The following DYNC2I1 variants were observed in gnomAD, a reference collection of about 807,000 sequenced individuals.
DYNC2I1 encodes the protein dynein 2 intermediate chain 1.
Under a neutral mutation model 133.4 loss-of-function variants are expected in DYNC2I1, and 89 were observed. The ratio of observed to expected loss-of-function variants is 0.67; its 90% CI spans 0.56 to 0.80. DYNC2I1 has a LOEUF of 0.80. Among genes scored for constraint, DYNC2I1 ranks in the 30% least tolerant of loss-of-function variants. DYNC2I1 has a pLI of 0.00. For synonymous variants in DYNC2I1, 504 were observed against 484.3 expected (o/e 1.04, Z -0.54); for missense variants, 1,291 against 1,314.5 (o/e 0.98, Z 0.28).
intron 8 of DYNC2I1, among the ~76,000 whole-genome samples, chr7:158,899,890 CCTT>C (rs1846080741): frequency 1.3e-5 from 2 of 152,162 alleles, no homozygotes; most frequent in Admixed American, 1.3e-4. Flanking sequence ...GACTAATACA[CCTT>C]CTTTCTGAAG....
chr7:158,950,877 G>A (rs1852034539), downstream of DYNC2I1, among the ~76,000 whole-genome samples: 1 of 151,782 alleles, frequency 6.6e-6, no homozygotes, highest in African/African-American at 2.4e-5. Flanking sequence ...ACTGCACCGG[G>A]ACCAGCCTCT....
intron 14 of DYNC2I1, among the ~76,000 whole-genome samples, chr7:158,914,546 G>A (rs73512410): frequency 0.029 from 4,363 of 152,246 alleles, 196 homozygotes; most frequent in African/African-American, 0.098. Context: ...GAAGTACTAT[G>A]TGTGTATTTG....
In DYNC2I1 at chr7:158,941,968, C is replaced by A. The variant is rs1585253516; in HGVS notation, c.2822C>A (p.Ser941Tyr). ...DGSIRLHQLS[S>Y]AFPLLQWDSS... ...AGCATCAGGCTGCACCAGCTGAGCT[C>A]CGCGTTTCCGCTCCTGCAGTGGGAC... Residue 941 changes from serine (S) to tyrosine (Y), a missense_variant, in exon 24 of 25, where the codon TCC (serine) becomes TAC (tyrosine). By Grantham distance (144) the Ser-to-Tyr change is moderately radical. Coordinates refer to ENST00000407559, the MANE Select transcript of DYNC2I1 (RefSeq NM_018051.5). The A allele has an allele frequency of 1.9e-6, 3 of 1,612,190 alleles. No homozygotes were observed. Among genetic ancestry groups the A allele is most frequent in the Non-Finnish European group, 2.5e-6 (3 of 1,179,242 alleles).
Position 158,856,684 on chromosome 7 carries a change from C to G in DYNC2I1, c.-52C>G. ...CACAGGTGGCCTCTTCGGGGTGGAC[C>G]GCGCCTGGCCGGGGCCGAGGACACC... On this transcript the variant is annotated 5_prime_UTR_variant, in exon 1 of 25. Transcript: ENST00000407559. The G allele has an allele frequency of 8.1e-7, 1 of 1,231,828 alleles. No homozygotes were observed. The highest frequency in any genetic ancestry group is 1.0e-6 in the Non-Finnish European group (1 of 986,788). 76.3% of individuals were successfully genotyped at this position (1,231,828 alleles called of 1,614,324 possible). A position where few individuals can be genotyped will look rare whatever the true frequency, so the allele number is the denominator to read the frequency against.
At chr7:158,926,511 T>G (rs781587240) in intron 19 of DYNC2I1, 48 bp downstream of exon 19, 4 of 1,594,682 alleles carry the variant, frequency 2.5e-6, no homozygotes, top group Non-Finnish European at 3.4e-6. Context: ...AGTGAGGTGG[T>G]CTGGGTGGAG....
chr7:158,939,076 C>T (rs1851067290), intron 23 of DYNC2I1, among the ~76,000 whole-genome samples: 1 of 152,082 alleles, frequency 6.6e-6, no homozygotes, highest in African/African-American at 2.4e-5. Flanking sequence ...TTGGTGTTTT[C>T]TTTCCTTTGT....
chr7:158,875,717 G>A (rs1362540962), intron 3 of DYNC2I1, among the ~76,000 whole-genome samples: 2 of 152,130 alleles, frequency 1.3e-5, no homozygotes, highest in Non-Finnish European at 2.9e-5. Context: ...GGGGCCTCTG[G>A]CTTCCTTGGT....
intron 14 of DYNC2I1, among the ~76,000 whole-genome samples, chr7:158,915,390 T>TTAAGGATGATTGTGAAACCTGGACAC (rs1847995205): frequency 1.7e-5 from 1 of 58,098 alleles, no homozygotes. Context: ...AACGTCGACA[T>TTAAGGATGATTGTGAAACCTGGACAC]GCTGGTTGAC....
intron 11 of DYNC2I1, among the ~76,000 whole-genome samples, chr7:158,907,037 C>A (rs1433233601): frequency 1.3e-5 from 2 of 151,966 alleles, no homozygotes; most frequent in Non-Finnish European, 2.9e-5. Context: ...ATGGCTTGAG[C>A]CTGAGAGGTC....
In DYNC2I1 at chr7:158,945,071, G is replaced by A. The variant is rs941071311; in HGVS notation, c.3003-510G>A. 6.6e-5 allele frequency among the ~76,000 whole-genome samples: 10 copies of A among 152,136 alleles called. No homozygotes were observed. Among genetic ancestry groups the A allele is most frequent in the Non-Finnish European group, 8.8e-5 (6 of 68,000 alleles). ...GGAAGGGGCCCCTGGGAGTGAGATC[G>A]GGGAGACAGGGTGGCCACAGGTCTC... is the stretch of plus-strand genomic sequence containing the variant. On this transcript the variant is annotated intron_variant, in intron 24 of 24. Transcript: ENST00000407559. The surrounding 1 kb of genome is among the most constrained non-coding windows in gnomAD (Gnocchi z 4.1).
chr7:158,932,565 G>A (rs528164838), intron 21 of DYNC2I1, among the ~76,000 whole-genome samples: 6 of 152,126 alleles, frequency 3.9e-5, no homozygotes, highest in African/African-American at 1.2e-4. Context: ...TCTGTCTGCC[G>A]TGCTAAAGGG....
downstream of DYNC2I1, among the ~76,000 whole-genome samples, chr7:158,947,218 T>C (rs761497284): frequency 1.2e-4 from 18 of 152,120 alleles, no homozygotes; most frequent in Non-Finnish European, 2.5e-4. Context: ...ACGCGGCCTC[T>C]CTCTGCATCT....
intron 21 of DYNC2I1, among the ~76,000 whole-genome samples, chr7:158,932,018 C>T (rs1244760630): frequency 6.6e-6 from 1 of 152,082 alleles, no homozygotes; most frequent in African/African-American, 2.4e-5. Flanking sequence ...TGAGGCAGGT[C>T]CCACGGCCAA....
At chr7:158,934,784 C>G (rs1850585634) in intron 23 of DYNC2I1, among the ~76,000 whole-genome samples, 1 of 152,116 alleles carries the variant, frequency 6.6e-6, no homozygotes, top group African/African-American at 2.4e-5. Flanking sequence ...GAGACGAGGT[C>G]TCCCTGTGTT....
chr7:158,923,889 A>T (rs1020957855), intron 17 of DYNC2I1, among the ~76,000 whole-genome samples, 156 bp downstream of exon 17: 27 of 152,240 alleles, frequency 1.8e-4, no homozygotes, highest in Admixed American at 4.6e-4. Flanking sequence ...AATACAAAAA[A>T]CAGAAATCAA....
chr7:158,921,192 CTG>C (rs1338386331), intron 15 of DYNC2I1, among the ~76,000 whole-genome samples: 2 of 152,136 alleles, frequency 1.3e-5, no homozygotes, highest in East Asian at 3.9e-4. Context: ...GGAGGCCTCA[CTG>C]TGAGTGAAAA....
In DYNC2I1 at chr7:158,879,773, A is replaced by G. The variant is rs773243945; in HGVS notation, c.663A>G (p.Pro221=). ...GERRHRKPRE[P]DRDNKHREKS... is the part of the protein sequence containing the mutation. The stretch of plus-strand genomic sequence containing the variant: ...GGAGACACAGGAAGCCCAGAGAGCC[A>G]GATCGAGACAACAAACACCGAGAAA... Residue 221 remains proline, a synonymous_variant, in exon 5 of 25, where the codon CCA becomes CCG. Transcript: ENST00000407559. 6.2e-7 allele frequency: 1 copy of G among 1,612,178 alleles called. No homozygotes were observed. The highest frequency in any genetic ancestry group is 8.5e-7 in the Non-Finnish European group (1 of 1,179,478).
intron 24 of DYNC2I1, among the ~76,000 whole-genome samples, chr7:158,944,453 T>G (rs1851682448): frequency 6.6e-6 from 1 of 152,316 alleles, no homozygotes; most frequent in Non-Finnish European, 1.5e-5. Flanking sequence ...GTCCACCGTC[T>G]GTTACTGATG....
chr7:158,882,662 C>T (rs1265168015), intron 5 of DYNC2I1, among the ~76,000 whole-genome samples: 1 of 152,104 alleles, frequency 6.6e-6, no homozygotes, highest in African/African-American at 2.4e-5. Context: ...CACTTGAGGT[C>T]AGGAGTTCGA....
Sources: allele counts gnomAD v4.1 joint callset (sites outside exome capture counted in the v4.1 genomes callset), GRCh38; gene constraint gnomAD v4.1.1; non-coding constraint Gnocchi (gnomAD v3.1); transcripts MANE v1.5; gene names NCBI Gene and HGNC (gene_info 2026-07-23, HGNC 2026-07-21).